PIK3C3: variants seen among roughly 807,000 people sequenced by gnomAD.
The protein encoded by PIK3C3 is phosphatidylinositol 3-kinase catalytic subunit type 3.
PIK3C3 carries 95 observed loss-of-function variants against 126.1 expected under a neutral mutation model. The ratio of observed to expected loss-of-function variants is 0.75; its 90% CI spans 0.64 to 0.89. The LOEUF (loss-of-function observed/expected upper bound fraction) is 0.89. Ranked by LOEUF, PIK3C3 falls within the 40% of genes least tolerant of loss-of-function variation. The probability of loss-of-function intolerance (pLI) is 0.00; values close to 1 mark genes in which losing one functional copy is unlikely to be tolerated. For missense variants in PIK3C3, 829 were observed against 1,063.2 expected, an observed-to-expected ratio of 0.78 and a Z score of 3.06; for synonymous variants, 374 against 360.0, an observed-to-expected ratio of 1.04 and a Z score of -0.44.
At chr18:42,003,035 C>T (rs547284266) in intron 9 of PIK3C3, among the ~76,000 whole-genome samples, 1 of 152,306 alleles carries the variant, frequency 6.6e-6, no homozygotes, top group South Asian at 2.1e-4. Context: ...AGTTCTACAT[C>T]TAGCTCATGC....
At chr18:41,986,388 G>A (rs894640138) in intron 4 of PIK3C3, among the ~76,000 whole-genome samples, 1 of 152,110 alleles carries the variant, frequency 6.6e-6, no homozygotes, top group Non-Finnish European at 1.5e-5. Flanking sequence ...CCAGTTTGGA[G>A]CATATTGCGA....
intron 8 of PIK3C3, among the ~76,000 whole-genome samples, 194 bp downstream of exon 8, chr18:41,996,188 G>A (rs962271256): frequency 1.3e-5 from 2 of 152,042 alleles, no homozygotes; most frequent in Admixed American, 1.3e-4. Flanking sequence ...TGTTATCTCT[G>A]GAGACAGAAC....
chr18:42,025,630 A>C (rs912298465), intron 13 of PIK3C3: 9 of 152,224 alleles, frequency 5.9e-5, no homozygotes, highest in African/African-American at 2.2e-4. Flanking sequence ...GAAAAAATTC[A>C]ATTTAATGTG....
At chr18:42,053,677 A>G (rs1745769192) in intron 21 of PIK3C3, among the ~76,000 whole-genome samples, 1 of 152,192 alleles carries the variant, frequency 6.6e-6, no homozygotes, top group African/African-American at 2.4e-5. Flanking sequence ...CAGGATTCAA[A>G]TGAAACATGG....
intron 23 of PIK3C3, among the ~76,000 whole-genome samples, chr18:42,066,146 A>G (rs988651273): frequency 4.6e-5 from 7 of 152,178 alleles, no homozygotes; most frequent in Admixed American, 3.3e-4. Context: ...TGAGAGAGCT[A>G]GTTCATTGAA....
At chr18:42,018,465 T>G (rs1260873055) in intron 12 of PIK3C3, among the ~76,000 whole-genome samples, 1 of 152,162 alleles carries the variant, frequency 6.6e-6, no homozygotes, top group Non-Finnish European at 1.5e-5. Flanking sequence ...TTCTGCCTAT[T>G]AAACTCATGG....
intron 3 of PIK3C3, among the ~76,000 whole-genome samples, chr18:41,967,597 T>C (rs1293350599): frequency 1.3e-5 from 2 of 152,162 alleles, no homozygotes; most frequent in Non-Finnish European, 2.9e-5. Flanking sequence ...CATGAGTCAG[T>C]ATGAGGCAGA....
At chr18:42,064,171 A>G (rs1985438280) in intron 22 of PIK3C3, among the ~76,000 whole-genome samples, 1 of 152,180 alleles carries the variant, frequency 6.6e-6, no homozygotes, top group African/African-American at 2.4e-5. Flanking sequence ...TATCTTGCCC[A>G]TTTTTAATGC....
At chr18:41,968,521 G>A (rs1980487534) in intron 3 of PIK3C3, among the ~76,000 whole-genome samples, 1 of 152,116 alleles carries the variant, frequency 6.6e-6, no homozygotes. Flanking sequence ...GGTCCATAAG[G>A]TAAGCTTTTG....
At position 42,063,546 on chromosome 18, in the gene PIK3C3, T is replaced by C. The variant is rs937563175; in HGVS notation, c.2433-1194T>C. ...TTAAGTGGGTTAGGGCCTGATTTGA[T>C]TAGACTACATCAAGGTAGAAGTTTT... is the stretch of plus-strand genomic sequence containing the variant. On this transcript the variant is annotated intron_variant, in intron 22 of 24. Coordinates refer to ENST00000262039, the MANE Select transcript of PIK3C3 (RefSeq NM_002647.4). Among the ~76,000 whole-genome samples the C allele has an allele frequency of 7.9e-5, 12 of 152,296 alleles. No individual in the cohort carries two copies. In the South Asian group the frequency reaches 2.5e-3, roughly 32 times the overall value.
chr18:41,986,553 G>C (rs963555547), intron 4 of PIK3C3, among the ~76,000 whole-genome samples: 1 of 152,036 alleles, frequency 6.6e-6, no homozygotes, highest in Non-Finnish European at 1.5e-5. Context: ...TTTGAAAATG[G>C]AGTATTAAGG....
chr18:42,001,218 T>A (rs1361232482), intron 9 of PIK3C3, among the ~76,000 whole-genome samples: 1 of 152,182 alleles, frequency 6.6e-6, no homozygotes, highest in Non-Finnish European at 1.5e-5. Context: ...ATAAAAATAA[T>A]AACTGATAAT....
intron 9 of PIK3C3, among the ~76,000 whole-genome samples, chr18:41,997,287 G>T (rs563656347): frequency 3.0e-4 from 45 of 152,234 alleles, no homozygotes; most frequent in Non-Finnish European, 4.6e-4. Context: ...AGTTGGTGGA[G>T]TAGCATACAG....
intron 21 of PIK3C3, chr18:42,050,959 A>G (rs1029275945): frequency 5.9e-5 from 9 of 152,204 alleles, no homozygotes; most frequent in African/African-American, 2.4e-5. Context: ...TAACTCCTTG[A>G]TCTGTAATAA....
chr18:42,062,318 T>C (rs1019372897), intron 22 of PIK3C3, among the ~76,000 whole-genome samples: 2 of 151,780 alleles, frequency 1.3e-5, no homozygotes, highest in Non-Finnish European at 2.9e-5. Context: ...CTCAAGTGGA[T>C]CATCTCTATT....
intron 11 of PIK3C3, 111 bp from the exon 12 acceptor site, chr18:42,015,365 A>G: frequency 1.3e-6 from 1 of 756,158 alleles, no homozygotes; most frequent in Non-Finnish European, 2.3e-6. Flanking sequence ...CACTTTAGGA[A>G]GTGTTGCATT....
chr18:42,048,419 A>G (rs1285975541), intron 20 of PIK3C3, among the ~76,000 whole-genome samples: 5 of 152,152 alleles, frequency 3.3e-5, no homozygotes, highest in African/African-American at 1.2e-4. Context: ...CCTTGCATCT[A>G]TATTTGCTTA....
At chr18:42,006,404 A>G (rs1982544738) in intron 10 of PIK3C3, among the ~76,000 whole-genome samples, 1 of 134,604 alleles carries the variant, frequency 7.4e-6, no homozygotes, top group Non-Finnish European at 1.5e-5. Context: ...CATTGGCATG[A>G]TTGATTAAAT....
chr18:42,000,165 T>C (rs1982217072), intron 9 of PIK3C3, among the ~76,000 whole-genome samples: 2 of 152,174 alleles, frequency 1.3e-5, no homozygotes. Flanking sequence ...GTGATTCTCC[T>C]GTCTCAGCCT....
Sources: gnomAD v4.1 joint callset for allele counts (sites outside exome capture counted in the v4.1 genomes callset) on GRCh38, gnomAD v4.1.1 for gene constraint, MANE v1.5 for transcripts, NCBI Gene and HGNC (gene_info 2026-07-23, HGNC 2026-07-21) for gene names.